The following TOP1 variants were observed in gnomAD, a reference collection of about 807,000 sequenced individuals.
The protein encoded by TOP1 is DNA topoisomerase I, also known as DNA topoisomerase 1.
A neutral mutation model predicts 111.1 loss-of-function variants in TOP1; 10 were observed. The observed-to-expected ratio is 0.09, with a 90% CI of 0.06 to 0.15. The LOEUF (loss-of-function observed/expected upper bound fraction) is 0.15. Among genes scored for constraint, TOP1 ranks in the 10% least tolerant of loss-of-function variants. The probability of loss-of-function intolerance (pLI) is 1.00; values close to 1 mark genes in which losing one functional copy is unlikely to be tolerated. For missense variants in TOP1, 474 were observed against 926.7 expected, an observed-to-expected ratio of 0.51 and a Z score of 6.34; for synonymous variants, 271 against 302.9, an observed-to-expected ratio of 0.89 and a Z score of 1.10.
Position 41,102,253 on chromosome 20 carries a change from C to G in TOP1, c.1308+900C>G, listed in dbSNP as rs2034074630. On this transcript the variant is annotated intron_variant, in intron 13 of 20. Coordinates refer to ENST00000361337, the MANE Select transcript of TOP1 (RefSeq NM_003286.4). The surrounding 1 kb of genome is among the most constrained non-coding windows in gnomAD (Gnocchi z 4.0). ...ATTTTCTGGCTTGTAGCCCTGTGTT[C>G]TTCTGTATATCACTACTTTTCTAAT... Among the ~76,000 whole-genome samples the G allele has an allele frequency of 6.6e-6, 1 of 152,168 alleles. No homozygotes were observed. Among genetic ancestry groups the G allele is most frequent in the African/African-American group, 2.4e-5 (1 of 41,428 alleles).
At chr20:41,086,253 ACT>A (rs1446578598) in intron 8 of TOP1, among the ~76,000 whole-genome samples, 3 of 148,132 alleles carry the variant, frequency 2.0e-5, no homozygotes, top group Middle Eastern at 3.3e-3. Context: ...ACAGAGCGAG[ACT>A]CTGTCTCAAA....
At chr20:41,039,987 A>G (rs2033240897) in intron 2 of TOP1, among the ~76,000 whole-genome samples, 1 of 152,250 alleles carries the variant, frequency 6.6e-6, no homozygotes, top group Non-Finnish European at 1.5e-5. Context: ...ATTCTGTGTG[A>G]GAAATCATGT....
In TOP1 at chr20:41,116,075, C is replaced by T. The variant is rs554332676; in HGVS notation, c.1708-203C>T. Among the ~76,000 whole-genome samples the T allele has an allele frequency of 6.6e-6, 1 of 152,324 alleles. No individual in the cohort carries two copies. The highest frequency in any genetic ancestry group is 2.1e-4 in the South Asian group (1 of 4,828). ...TGTCAGAGTGAGACCCTGTCATACA[C>T]ACACACAAAGATTGAAATACTTCAT... On this transcript the variant is annotated intron_variant, in intron 16 of 20. Coordinates refer to ENST00000361337, the MANE Select transcript of TOP1 (RefSeq NM_003286.4). This position sits in a 1 kb window ranked among gnomAD's most constrained non-coding sequence, Gnocchi z 5.6.
intron 2 of TOP1, among the ~76,000 whole-genome samples, chr20:41,057,215 G>A (rs367840832): frequency 5.3e-5 from 8 of 150,634 alleles, no homozygotes; most frequent in South Asian, 2.1e-4. Context: ...GCAGTGAGCC[G>A]AGATCACACC....
chr20:41,085,131 A>C (rs141634631), intron 8 of TOP1, among the ~76,000 whole-genome samples: 258 of 152,222 alleles, frequency 1.7e-3, no homozygotes, highest in African/African-American at 5.9e-3. Flanking sequence ...CAAAGGGCTG[A>C]TATTCCTAAT....
rs185139528 is a variant in TOP1, at chr20:41,083,990, A to G, written c.508-472A>G. Among the ~76,000 whole-genome samples, 1 of 152,322 alleles carries G rather than the reference A, an allele frequency of 6.6e-6. No individual in the cohort carries two copies. The highest frequency in any genetic ancestry group is 2.4e-5 in the African/African-American group (1 of 41,578). On this transcript the variant is annotated intron_variant, in intron 7 of 20. Coordinates refer to ENST00000361337, the MANE Select transcript of TOP1 (RefSeq NM_003286.4). This position sits in a 1 kb window ranked among gnomAD's most constrained non-coding sequence, Gnocchi z 7.2. ...GCATCATGACTTTGTGTATACAAGCAGCAGCGATAGTACTATACTCCACTA... is the reference window on the plus strand; with the variant it reads ...GCATCATGACTTTGTGTATACAAGCGGCAGCGATAGTACTATACTCCACTA...
chr20:41,120,339 T>C (rs1222079698), intron 18 of TOP1, among the ~76,000 whole-genome samples: 1 of 152,260 alleles, frequency 6.6e-6, no homozygotes, highest in African/African-American at 2.4e-5. Flanking sequence ...TGGTGGCCTC[T>C]GTTTCCAATC....
chr20:41,059,114 A>G (rs777338348), intron 2 of TOP1, among the ~76,000 whole-genome samples: 4 of 152,144 alleles, frequency 2.6e-5, no homozygotes, highest in Non-Finnish European at 5.9e-5. Flanking sequence ...TGGGAGCTAA[A>G]TGATGAGAAC....
chr20:41,110,290 A>G lies in TOP1; in HGVS notation c.1309-2492A>G, dbSNP rs557028829. ...CAGAGCGAGACGCTGTCTCAGAGGG[A>G]AAAAAAAAAGTTAAAAAGGCAGACA... On this transcript the variant is annotated intron_variant, in intron 13 of 20. Coordinates refer to ENST00000361337, the MANE Select transcript of TOP1 (RefSeq NM_003286.4). This position sits in a 1 kb window ranked among gnomAD's most constrained non-coding sequence, Gnocchi z 4.2. Among the ~76,000 whole-genome samples the G allele has an allele frequency of 1.3e-4, 19 of 150,532 alleles. No homozygotes were observed. The highest frequency in any genetic ancestry group is 8.4e-4 in the South Asian group (4 of 4,748).
rs1254484193 is a variant in TOP1 at position 41,030,530 on chromosome 20, G to A, written c.58+1075G>A. On this transcript the variant is annotated intron_variant, in intron 2 of 20. Coordinates refer to ENST00000361337, the MANE Select transcript of TOP1 (RefSeq NM_003286.4). This position sits in a 1 kb window ranked among gnomAD's most constrained non-coding sequence, Gnocchi z 4.1. ...TTTGAACCCTTTTCAGCCAAATCAAGGCATTTATTCTTACTGTATTTCCAC... is the reference window on the plus strand; with the variant it reads ...TTTGAACCCTTTTCAGCCAAATCAAAGCATTTATTCTTACTGTATTTCCAC... Among the ~76,000 whole-genome samples, 1 of 151,280 alleles carries A rather than the reference G, an allele frequency of 6.6e-6. No homozygotes were observed. The highest frequency in any genetic ancestry group is 1.5e-5 in the Non-Finnish European group (1 of 67,940).
At position 41,029,501 on chromosome 20, in the gene TOP1, C is replaced by T. The variant is rs777206642; in HGVS notation, c.58+46C>T. ...GACTCCGGGGCCCCCCAGCCGCCGG[C>T]CGCCTCCCCCGCGCCCTGCCGGTGC... On this transcript the variant is annotated intron_variant, in intron 2 of 20. Transcript: ENST00000361337. This position sits in a 1 kb window ranked among gnomAD's most constrained non-coding sequence, Gnocchi z 6.1. The T allele has an allele frequency of 6.7e-6, 10 of 1,483,980 alleles. No homozygotes were observed. The highest frequency in any genetic ancestry group is 8.2e-6 in the Non-Finnish European group (9 of 1,091,912). 91.9% of individuals were successfully genotyped at this position (1,483,980 alleles called of 1,614,324 possible).
chr20:41,103,943 T>A (rs1225761011), intron 13 of TOP1, among the ~76,000 whole-genome samples: 2 of 152,156 alleles, frequency 1.3e-5, no homozygotes, highest in Non-Finnish European at 2.9e-5. Context: ...CCTGTACTTT[T>A]CCTTTGCAGC....
chr20:41,076,017 G>A (rs2033723189), intron 3 of TOP1, among the ~76,000 whole-genome samples, 154 bp from the exon 4 acceptor site: 2 of 152,298 alleles, frequency 1.3e-5, no homozygotes, highest in African/African-American at 2.4e-5. Flanking sequence ...GATAAAGTCC[G>A]ATGTAGCCAA....
At chr20:41,044,656 G>T (rs1250383680) in intron 2 of TOP1, among the ~76,000 whole-genome samples, 2 of 152,242 alleles carry the variant, frequency 1.3e-5, no homozygotes, top group Non-Finnish European at 2.9e-5. Context: ...AGGCAGAGTG[G>T]AGAGTGCTAG....
In TOP1 at chr20:41,079,097, C is replaced by A. The variant is rs2033760192; in HGVS notation, c.336-988C>A. ...TTTGGTTAGGGTGCTAAAATAAGTT[C>A]TTTAAACATTCAAATTCTATCACAA... On this transcript the variant is annotated intron_variant, in intron 5 of 20. Transcript: ENST00000361337. This position sits in a 1 kb window ranked among gnomAD's most constrained non-coding sequence, Gnocchi z 4.0. Among the ~76,000 whole-genome samples, 1 of 151,792 alleles carries A rather than the reference C, an allele frequency of 6.6e-6. No homozygotes were observed. The highest frequency in any genetic ancestry group is 1.5e-5 in the Non-Finnish European group (1 of 68,034).
chr20:41,088,764 GA>G (rs1253993968), intron 8 of TOP1, among the ~76,000 whole-genome samples: 1 of 152,046 alleles, frequency 6.6e-6, no homozygotes, highest in African/African-American at 2.4e-5. Flanking sequence ...TTTCATACCT[GA>G]AAAAGTGGTA....
chr20:41,114,688 CCTGA>C lies in TOP1; in HGVS notation c.1638+538_1638+541del, dbSNP rs1415875659. Among the ~76,000 whole-genome samples, 1 of 152,190 alleles carries C rather than the reference CCTGA, an allele frequency of 6.6e-6. No homozygotes were observed. Among genetic ancestry groups the C allele is most frequent in the Non-Finnish European group, 1.5e-5 (1 of 68,040 alleles). On this transcript the variant is annotated intron_variant, in intron 15 of 20. Coordinates refer to ENST00000361337, the MANE Select transcript of TOP1 (RefSeq NM_003286.4). This position sits in a 1 kb window ranked among gnomAD's most constrained non-coding sequence, Gnocchi z 4.5. Reference sequence around the variant, plus strand: ...ATCTTTGCTCAGCCTTTCTCCAACTCCTGACTGAGTGAAAGGTTAATGTTAGTCC... The same window carrying C: ...ATCTTTGCTCAGCCTTTCTCCAACTCCTGAGTGAAAGGTTAATGTTAGTCC...
Position 41,112,651 on chromosome 20 carries a change from A to G in TOP1, c.1309-131A>G, listed in dbSNP as rs992610498. 1 of 971,088 alleles carries G rather than the reference A, an allele frequency of 1.0e-6. No homozygotes were observed. Among genetic ancestry groups the G allele is most frequent in the Non-Finnish European group, 1.5e-6 (1 of 657,014 alleles). 60.2% of individuals were successfully genotyped at this position (971,088 alleles called of 1,614,324 possible). On this transcript the variant is annotated intron_variant, in intron 13 of 20. Transcript: ENST00000361337. This position sits in a 1 kb window ranked among gnomAD's most constrained non-coding sequence, Gnocchi z 5.8. Reference sequence around the variant, plus strand: ...AACCTCTGCCTCCTGCGTTCAAGCAATTCTTGTGTCTTAGCCTCCCTATTA... The same window carrying G: ...AACCTCTGCCTCCTGCGTTCAAGCAGTTCTTGTGTCTTAGCCTCCCTATTA...
chr20:41,070,974 G>A (rs905831086), intron 3 of TOP1, among the ~76,000 whole-genome samples: 10 of 152,150 alleles, frequency 6.6e-5, no homozygotes, highest in Non-Finnish European at 1.3e-4. Context: ...TTTTGTTACC[G>A]ATATCAAATG....
Sources: allele counts gnomAD v4.1 joint callset (sites outside exome capture counted in the v4.1 genomes callset), GRCh38; gene constraint gnomAD v4.1.1; non-coding constraint Gnocchi (gnomAD v3.1); transcripts MANE v1.5; gene names NCBI Gene and HGNC (gene_info 2026-07-23, HGNC 2026-07-21).